Variants in CNTN5 observed in about 807,000 individuals in gnomAD.
The protein encoded by CNTN5 is contactin 5.
Under a neutral mutation model 129.1 loss-of-function variants are expected in CNTN5, and 77 were observed. The observed-to-expected ratio is 0.60, with a 90% CI of 0.50 to 0.72. The LOEUF is 0.72. Ranked by LOEUF, CNTN5 falls within the 30% of genes least tolerant of loss-of-function variation. The pLI is 0.00. For missense variants in CNTN5, 1,478 were observed against 1,328.8 expected (o/e 1.11, Z -1.75); for synonymous variants, 509 against 465.6 (o/e 1.09, Z -1.20).
chr11:99,314,937 A>T lies in CNTN5; in HGVS notation c.-209-10409A>T, dbSNP rs577994866. ...GATATTGTAAAAATTGCATATTCTT[A>T]TTCAGTAGCTCTGTGGGTGGGGGGA... On this transcript the variant is annotated intron_variant, in intron 1 of 24. Transcript: ENST00000524871. Among the ~76,000 whole-genome samples the T allele has an allele frequency of 2.0e-5, 3 of 146,352 alleles. 1 individual carries two copies. Among genetic ancestry groups the T allele is most frequent in the Non-Finnish European group, 4.6e-5 (3 of 65,698 alleles).
chr11:99,402,324 T>C (rs7952729), intron 2 of CNTN5, among the ~76,000 whole-genome samples: 2 of 152,038 alleles, frequency 1.3e-5, no homozygotes, highest in South Asian at 4.1e-4. Context: ...CCAATTAAAA[T>C]GATCATATGG....
At chr11:99,576,197 G>T (rs1161011850) in intron 3 of CNTN5, among the ~76,000 whole-genome samples, 1 of 152,182 alleles carries the variant, frequency 6.6e-6, no homozygotes, top group Non-Finnish European at 1.5e-5. Context: ...ATGAGAGATT[G>T]AATTTTTTGT....
At position 99,422,267 on chromosome 11, in the gene CNTN5, T is replaced by C. The variant is rs564918255; in HGVS notation, c.-71+96783T>C. ...CCTGGGTTAATTAGCTTGATATTTT[T>C]GTTTTTTGAAGTGAAAAGCTTGATA... On this transcript the variant is annotated intron_variant, in intron 2 of 24. Coordinates refer to ENST00000524871, the MANE Select transcript of CNTN5 (RefSeq NM_014361.4). Among the ~76,000 whole-genome samples, 4 of 152,172 alleles carry C rather than the reference T, an allele frequency of 2.6e-5. No individual in the cohort carries two copies. The South Asian group carries it at 8.3e-4, about 32-fold the overall frequency.
chr11:99,097,628 TA>T (rs749436236), intron 1 of CNTN5, among the ~76,000 whole-genome samples: 28 of 151,942 alleles, frequency 1.8e-4, no homozygotes, highest in Non-Finnish European at 3.7e-4. Flanking sequence ...CTAGGTGAAT[TA>T]ATATTAGAAT....
chr11:99,104,758 A>G (rs1233542154), intron 1 of CNTN5, among the ~76,000 whole-genome samples: 1 of 152,114 alleles, frequency 6.6e-6, no homozygotes, highest in Non-Finnish European at 1.5e-5. Flanking sequence ...GAAGATCAGG[A>G]CTGGGGTGAG....
At chr11:99,779,623 C>T (rs1945243844) in intron 3 of CNTN5, among the ~76,000 whole-genome samples, 1 of 151,928 alleles carries the variant, frequency 6.6e-6, no homozygotes, top group Non-Finnish European at 1.5e-5. Flanking sequence ...TCTTCAAATT[C>T]TAACAGTAAC....
rs942110412 is a variant in CNTN5 at position 99,601,705 on chromosome 11, T to C, written c.55+45436T>C. On this transcript the variant is annotated intron_variant, in intron 3 of 24. Coordinates refer to ENST00000524871, the MANE Select transcript of CNTN5 (RefSeq NM_014361.4). ...AATTCTCATCCTGCTCTGAGACTAATCAATCCCACCTCATCTCTGTTCTCC... is the reference window on the plus strand; with the variant it reads ...AATTCTCATCCTGCTCTGAGACTAACCAATCCCACCTCATCTCTGTTCTCC... Among the ~76,000 whole-genome samples the C allele has an allele frequency of 2.2e-4, 33 of 152,194 alleles. 1 individual carries two copies. Among genetic ancestry groups the C allele is most frequent in the Non-Finnish European group, 2.5e-4 (17 of 68,040 alleles).
chr11:100,046,397 T>C (rs1405329549), intron 9 of CNTN5, among the ~76,000 whole-genome samples: 3 of 152,194 alleles, frequency 2.0e-5, no homozygotes, highest in South Asian at 2.1e-4. Context: ...GCCTGAAATA[T>C]GTGTTCATAA....
chr11:99,045,369 T>C (rs1377649461), intron 1 of CNTN5, among the ~76,000 whole-genome samples: 1 of 152,208 alleles, frequency 6.6e-6, no homozygotes, highest in African/African-American at 2.4e-5. Flanking sequence ...CAACATCACA[T>C]TTAATTCTCA....
intron 8 of CNTN5, among the ~76,000 whole-genome samples, chr11:99,986,998 A>T (rs1938723679): frequency 6.6e-6 from 1 of 152,196 alleles, no homozygotes; most frequent in African/African-American, 2.4e-5. Context: ...TTTATTTTTT[A>T]AAATATCCCA....
intron 10 of CNTN5, among the ~76,000 whole-genome samples, chr11:100,063,852 A>G (rs145554860): frequency 6.6e-6 from 1 of 152,220 alleles, no homozygotes; most frequent in African/African-American, 2.4e-5. Flanking sequence ...GTGCCTCTGT[A>G]TTCCAGCCTG....
chr11:100,275,565 G>A (rs557504677), intron 18 of CNTN5, among the ~76,000 whole-genome samples: 1 of 152,004 alleles, frequency 6.6e-6, no homozygotes, highest in Admixed American at 6.5e-5. Flanking sequence ...GAATCTCCTT[G>A]TGCTATTAAA....
intron 3 of CNTN5, among the ~76,000 whole-genome samples, chr11:99,777,268 ATGC>A: frequency 6.6e-6 from 1 of 151,914 alleles, no homozygotes; most frequent in East Asian, 2.0e-4. Flanking sequence ...GCGCAATGAC[ATGC>A]TGCCCATGGA....
intron 1 of CNTN5, among the ~76,000 whole-genome samples, chr11:99,216,077 T>C (rs1860099757): frequency 6.6e-6 from 1 of 152,168 alleles, no homozygotes; most frequent in African/African-American, 2.4e-5. Context: ...TTGTTAACTA[T>C]AGTCACTCTA....
chr11:99,398,077 A>T (rs1419125270), intron 2 of CNTN5, among the ~76,000 whole-genome samples: 2 of 151,872 alleles, frequency 1.3e-5, no homozygotes, highest in Non-Finnish European at 2.9e-5. Context: ...ACAGTGAGAC[A>T]CCTGGCTCCG....
At chr11:99,567,438 T>G (rs1286795542) in intron 3 of CNTN5, among the ~76,000 whole-genome samples, 2 of 152,154 alleles carry the variant, frequency 1.3e-5, no homozygotes, top group Non-Finnish European at 2.9e-5. Context: ...AGGTGACAGT[T>G]TGTTCCTTCT....
chr11:99,501,991 T>C (rs1946442771), intron 2 of CNTN5, among the ~76,000 whole-genome samples: 2 of 152,204 alleles, frequency 1.3e-5, no homozygotes, highest in Admixed American at 6.5e-5. Context: ...GAATTATTCA[T>C]AGGTACAACG....
At chr11:100,081,809 C>T (rs1217576742) in intron 13 of CNTN5, among the ~76,000 whole-genome samples, 1 of 152,176 alleles carries the variant, frequency 6.6e-6, no homozygotes, top group African/African-American at 2.4e-5. Context: ...AACATCTCAC[C>T]TCAGTCCAGT....
At chr11:99,587,849 G>C (rs56815248) in intron 3 of CNTN5, among the ~76,000 whole-genome samples, 1,725 of 152,264 alleles carry the variant, frequency 0.011, 29 homozygotes, top group African/African-American at 0.038. Context: ...GTCAAAATGG[G>C]TTCATGCTGA....
Sources: gnomAD v4.1 joint callset for allele counts (sites outside exome capture counted in the v4.1 genomes callset) on GRCh38, gnomAD v4.1.1 for gene constraint, MANE v1.5 for transcripts, NCBI Gene and HGNC (gene_info 2026-07-23, HGNC 2026-07-21) for gene names.